ZNF251: variants seen among roughly 807,000 people sequenced by gnomAD.
ZNF251 encodes the protein zinc finger protein 251.
In ZNF251, 14 loss-of-function variants were observed where a neutral mutation model predicts 13.5. That is an observed-to-expected ratio of 1.04 (90% confidence interval 0.69 to 1.63). The LOEUF is 1.63. ZNF251 is among the 40% of genes most tolerant of loss of function. The probability of loss-of-function intolerance (pLI) is 0.00; values close to 1 mark genes in which losing one functional copy is unlikely to be tolerated. For missense variants in ZNF251, 764 were observed against 834.9 expected (o/e 0.92, Z 1.05); for synonymous variants, 287 against 295.2 (o/e 0.97, Z 0.28).
intron 4 of ZNF251, among the ~76,000 whole-genome samples, chr8:144,732,813 A>T (rs1295842180): frequency 2.1e-3 from 59 of 27,508 alleles, no homozygotes; most frequent in African/African-American, 0.011. Flanking sequence ...CTCCGTCTCA[A>T]AAAAAAAAAA....
intron 4 of ZNF251, among the ~76,000 whole-genome samples, chr8:144,741,340 G>A (rs555284282): frequency 1.3e-5 from 2 of 152,236 alleles, no homozygotes; most frequent in African/African-American, 4.8e-5. Flanking sequence ...GTGACCAGCT[G>A]CACAGATGTA....
In ZNF251 at chr8:144,734,151, A is replaced by C. The variant is rs1823809399; in HGVS notation, c.278-10769T>G. 6.6e-6 allele frequency among the ~76,000 whole-genome samples: 1 copy of C among 152,082 alleles called. No homozygotes were observed. Among genetic ancestry groups the C allele is most frequent in the African/African-American group, 2.4e-5 (1 of 41,414 alleles). On this transcript the variant is annotated intron_variant, in intron 4 of 4. Transcript: ENST00000292562. The surrounding 1 kb of genome is among the most constrained non-coding windows in gnomAD (Gnocchi z 4.4). ...CCCTCTGTTGGGACCTTCCCATGCC[A>C]CACCTGCCTGGTGTTTTCCTTTGTC...
intron 4 of ZNF251, among the ~76,000 whole-genome samples, chr8:144,730,661 C>A (rs1438049238): frequency 6.6e-6 from 1 of 152,222 alleles, no homozygotes; most frequent in Non-Finnish European, 1.5e-5. Context: ...AGCCTGGATA[C>A]AAAGTCCACA....
chr8:144,751,257 C>T (rs1449460886), intron 4 of ZNF251, among the ~76,000 whole-genome samples: 2 of 152,184 alleles, frequency 1.3e-5, no homozygotes, highest in African/African-American at 4.8e-5. Flanking sequence ...CTTGTTAGGA[C>T]ACAGTGATGA....
intron 4 of ZNF251, among the ~76,000 whole-genome samples, chr8:144,740,403 GA>G: frequency 6.6e-6 from 1 of 152,220 alleles, no homozygotes; most frequent in South Asian, 2.1e-4. Context: ...TTGGGAGGCC[GA>G]GGTGGGTGGA....
chr8:144,754,599 C>G (rs1824866763), intron 2 of ZNF251, 97 bp downstream of exon 2: 1 of 1,495,258 alleles, frequency 6.7e-7, no homozygotes, highest in Non-Finnish European at 8.9e-7. Context: ...CCTGGCTGGC[C>G]TTACCAGTTG....
At chr8:144,729,345 T>A (rs1401929121) in intron 4 of ZNF251, among the ~76,000 whole-genome samples, 10 of 147,140 alleles carry the variant, frequency 6.8e-5, no homozygotes, top group East Asian at 2.0e-4. Flanking sequence ...ATTTTTTTTT[T>A]TTTTTTTGTG....
intron 4 of ZNF251, among the ~76,000 whole-genome samples, chr8:144,736,044 G>C (rs958437841): frequency 6.6e-6 from 1 of 152,164 alleles, no homozygotes; most frequent in Non-Finnish European, 1.5e-5. Context: ...ACTAAGAACC[G>C]GACCCTCATG....
rs1586688789 is a variant in ZNF251, at chr8:144,734,330, C to T, written c.278-10948G>A. Among the ~76,000 whole-genome samples, 1 of 152,244 alleles carries T rather than the reference C, an allele frequency of 6.6e-6. No homozygotes were observed. Among genetic ancestry groups the T allele is most frequent in the South Asian group, 2.1e-4 (1 of 4,830 alleles). ...ATCCATGCTTTGTCCCTGTGGCTGT[C>T]GGCCCTGTCCCCCAACTCCAGCGGG... On this transcript the variant is annotated intron_variant, in intron 4 of 4. Coordinates refer to ENST00000292562, the MANE Select transcript of ZNF251 (RefSeq NM_138367.2). This position sits in a 1 kb window ranked among gnomAD's most constrained non-coding sequence, Gnocchi z 4.4.
At chr8:144,742,709 T>C (rs1437899181) in intron 4 of ZNF251, among the ~76,000 whole-genome samples, 1 of 152,200 alleles carries the variant, frequency 6.6e-6, no homozygotes, top group African/African-American at 2.4e-5. Flanking sequence ...CTGATCTTTT[T>C]GCTGTCTCTA....
At position 144,723,227 on chromosome 8, in the gene ZNF251, C is replaced by G. The variant is rs773135594; in HGVS notation, c.433G>C (p.Glu145Gln). The G allele has an allele frequency of 1.2e-6, 2 of 1,613,640 alleles. No individual in the cohort carries two copies. The highest frequency in any genetic ancestry group is 3.3e-5 in the Admixed American group (2 of 59,928). ...EAWGREGKLKERVGNSAGQSL... is the reference protein window; with the variant it reads ...EAWGREGKLKQRVGNSAGQSL... ...TGCCCGGCAGAATTTCCCACGCGCT[C>G]TTTGAGTTTGCCCTCACGGCCCCAT... The change falls in exon 5 of 5, where the codon GAG (glutamate) becomes CAG (glutamine). Residue 145 changes from glutamate (E) to glutamine (Q), a missense_variant. By Grantham distance (29) the Glu-to-Gln change is conservative. Coordinates refer to ENST00000292562, the MANE Select transcript of ZNF251 (RefSeq NM_138367.2).
At chr8:144,735,158 G>A (rs926980040) in intron 4 of ZNF251, among the ~76,000 whole-genome samples, 8 of 152,048 alleles carry the variant, frequency 5.3e-5, no homozygotes, top group African/African-American at 1.9e-4. Flanking sequence ...GGCTGAGGAG[G>A]GTAGATCATC....
intron 4 of ZNF251, among the ~76,000 whole-genome samples, chr8:144,742,997 G>C (rs1181913833): frequency 6.6e-6 from 1 of 152,164 alleles, no homozygotes; most frequent in Non-Finnish European, 1.5e-5. Context: ...CAGACTAACT[G>C]CTTTCACTTG....
chr8:144,726,194 CAAAAAAAA>C (rs35542133), intron 4 of ZNF251, among the ~76,000 whole-genome samples: 1 of 52,140 alleles, frequency 1.9e-5, no homozygotes, highest in Non-Finnish European at 3.3e-5. Flanking sequence ...GACTCTGTCT[CAAAAAAAA>C]AAAAAAAAAA....
At chr8:144,736,802 T>C (rs1192547655) in intron 4 of ZNF251, among the ~76,000 whole-genome samples, 2 of 150,622 alleles carry the variant, frequency 1.3e-5, no homozygotes, top group East Asian at 3.9e-4. Flanking sequence ...TACTTTATTA[T>C]TGTTAATTTT....
At chr8:144,726,213 A>G (rs1257081571) in intron 4 of ZNF251, among the ~76,000 whole-genome samples, 1 of 150,428 alleles carries the variant, frequency 6.6e-6, no homozygotes, top group Non-Finnish European at 1.5e-5. Context: ...AAAAAAAAAA[A>G]AAAAAAGAAT....
intron 4 of ZNF251, among the ~76,000 whole-genome samples, chr8:144,744,386 A>G (rs1220530303): frequency 6.6e-6 from 1 of 152,172 alleles, no homozygotes; most frequent in Non-Finnish European, 1.5e-5. Context: ...ACTCATTGTC[A>G]AACCAAGGTC....
At chr8:144,741,200 G>A (rs1244184730) in intron 4 of ZNF251, among the ~76,000 whole-genome samples, 4 of 152,140 alleles carry the variant, frequency 2.6e-5, no homozygotes, top group Non-Finnish European at 5.9e-5. Context: ...CTGTGAGTGG[G>A]GCCAATACTG....
chr8:144,738,136 C>A (rs181590735), intron 4 of ZNF251, among the ~76,000 whole-genome samples: 1 of 152,084 alleles, frequency 6.6e-6, no homozygotes, highest in Non-Finnish European at 1.5e-5. Flanking sequence ...AGCCCTCACC[C>A]GGCCCAGCAG....
Sources: gnomAD v4.1 joint callset for allele counts (sites outside exome capture counted in the v4.1 genomes callset) on GRCh38, gnomAD v4.1.1 for gene constraint, Gnocchi (gnomAD v3.1) non-coding constraint, MANE v1.5 for transcripts, NCBI Gene and HGNC (gene_info 2026-07-23, HGNC 2026-07-21) for gene names.